CPNE8: variants seen among roughly 807,000 people sequenced by gnomAD.
CPNE8 encodes copine-8.
A neutral mutation model predicts 81.5 loss-of-function variants in CPNE8; 45 were observed. That is an observed-to-expected ratio of 0.55 (90% CI 0.44 to 0.71). The LOEUF is 0.71. Ranked by LOEUF, CPNE8 falls within the 30% of genes least tolerant of loss-of-function variation. CPNE8 has a pLI of 0.00. For synonymous variants in CPNE8, 252 were observed against 226.3 expected (o/e 1.11, Z -1.02); for missense variants, 594 against 672.1 (o/e 0.88, Z 1.28).
chr12:38,792,788 C>T (rs926849611), intron 6 of CPNE8, among the ~76,000 whole-genome samples: 6 of 151,650 alleles, frequency 4.0e-5, no homozygotes, highest in Admixed American at 1.3e-4. Context: ...AAGAAGAGAA[C>T]GTTATAGATC....
intron 6 of CPNE8, among the ~76,000 whole-genome samples, chr12:38,826,453 G>A (rs535546383): frequency 4.6e-5 from 7 of 152,270 alleles, no homozygotes; most frequent in African/African-American, 1.7e-4. Context: ...ATATGTGTAT[G>A]TTATACCCCG....
At chr12:38,713,724 T>G (rs2136716234) in intron 13 of CPNE8, among the ~76,000 whole-genome samples, 1 of 152,306 alleles carries the variant, frequency 6.6e-6, no homozygotes, top group Admixed American at 6.5e-5. Context: ...ATTTTAAAAT[T>G]ATGTCTCTTT....
At chr12:38,735,059 ATT>A (rs1940921741) in intron 10 of CPNE8, among the ~76,000 whole-genome samples, 1 of 152,072 alleles carries the variant, frequency 6.6e-6, no homozygotes, top group Non-Finnish European at 1.5e-5. Flanking sequence ...AACTTCTCTA[ATT>A]TGGATGCTGA....
In CPNE8 at chr12:38,693,824, G is replaced by C. The variant is rs1939733717; in HGVS notation, c.976C>G (p.Pro326Ala). Residue 326 changes from proline (P) to alanine (A), a missense_variant, in exon 15 of 20, where the codon CCC becomes GCC. Physicochemically the swap from Pro to Ala is conservative, Grantham distance 27. Coordinates refer to ENST00000331366, the MANE Select transcript of CPNE8 (RefSeq NM_153634.3). ...FTASNGNPAQ[P>A]TSLHYMNPYQ... ...GGATTCATGTAGTGGAGGGAAGTGG[G>C]CTGAGCAGGGTTGCCTGATGACAGA... The C allele has an allele frequency of 6.2e-7, 1 of 1,608,040 alleles. No individual in the cohort carries two copies. The highest frequency in any genetic ancestry group is 8.5e-7 in the Non-Finnish European group (1 of 1,177,438).
intron 15 of CPNE8, among the ~76,000 whole-genome samples, chr12:38,689,203 T>A (rs1049797103): frequency 1.3e-5 from 2 of 152,164 alleles, no homozygotes. Flanking sequence ...AAATAACACA[T>A]GTTAACTTGT....
intron 10 of CPNE8, among the ~76,000 whole-genome samples, chr12:38,760,451 A>ATATATG (rs749406707): frequency 2.5e-5 from 3 of 120,172 alleles, no homozygotes; most frequent in Admixed American, 8.2e-5. Flanking sequence ...ATATATATAT[A>ATATATG]TGTGTGTGTA....
intron 19 of CPNE8, among the ~76,000 whole-genome samples, chr12:38,664,385 A>G (rs992527251): frequency 3.3e-5 from 5 of 152,126 alleles, no homozygotes; most frequent in African/African-American, 1.2e-4. Context: ...CATCATTATC[A>G]TAATTACTAT....
At chr12:38,797,650 C>T (rs1942525977) in intron 6 of CPNE8, among the ~76,000 whole-genome samples, 1 of 152,158 alleles carries the variant, frequency 6.6e-6, no homozygotes, top group Admixed American at 6.5e-5. Flanking sequence ...GCCTCTCCTC[C>T]TCCAAAGGAA....
chr12:38,653,696 A>AC lies in CPNE8; in HGVS notation c.*185_*186insG. ...ATTTAAACAATTTTTTCTGTTGCTC[A>AC]TGCAACAACCATATTTACAGTTTTG... On this transcript the variant is annotated 3_prime_UTR_variant, in exon 20 of 20. Coordinates refer to ENST00000331366, the MANE Select transcript of CPNE8 (RefSeq NM_153634.3). The AC allele has an allele frequency of 1.4e-6, 1 of 691,100 alleles. No individual in the cohort carries two copies. The highest frequency in any genetic ancestry group is 2.0e-6 in the Non-Finnish European group (1 of 492,372). 42.8% of individuals were successfully genotyped at this position (691,100 alleles called of 1,614,324 possible). A position where few individuals can be genotyped will look rare whatever the true frequency, so the allele number is the denominator to read the frequency against.
At chr12:38,739,197 AAG>A (rs1385427028) in intron 10 of CPNE8, among the ~76,000 whole-genome samples, 23 of 152,300 alleles carry the variant, frequency 1.5e-4, no homozygotes, top group African/African-American at 5.5e-4. Context: ...ATGGTTTTTG[AAG>A]AGTGTTACTT....
intron 10 of CPNE8, among the ~76,000 whole-genome samples, chr12:38,749,272 G>A (rs118007331): frequency 0.024 from 3,582 of 151,332 alleles, 69 homozygotes; most frequent in Non-Finnish European, 0.038. Flanking sequence ...GTCTTCCCCC[G>A]CCACGTGGAA....
intron 1 of CPNE8, among the ~76,000 whole-genome samples, chr12:38,881,004 A>AT (rs1258529659): frequency 6.6e-6 from 1 of 152,012 alleles, no homozygotes; most frequent in Non-Finnish European, 1.5e-5. Flanking sequence ...AGGTCAGGAG[A>AT]TTGAGACCAT....
intron 1 of CPNE8, among the ~76,000 whole-genome samples, chr12:38,880,523 G>C (rs753861045): frequency 1.3e-5 from 2 of 152,160 alleles, no homozygotes; most frequent in African/African-American, 2.4e-5. Context: ...GAAAATCCCT[G>C]AGAGTGACAG....
In CPNE8 at chr12:38,808,360, T is replaced by A. The variant is rs145594509; in HGVS notation, c.407+21019A>T. 9.4e-3 allele frequency among the ~76,000 whole-genome samples: 1,423 copies of A among 152,004 alleles called. 19 individuals carry two copies. The highest frequency in any genetic ancestry group is 0.04 in the South Asian group (193 of 4,804). ...GCAAAGACTTGGAACAACCCAAATGTCCAACAACGATAGACTGGATTAAGA... is the reference window on the plus strand; with the variant it reads ...GCAAAGACTTGGAACAACCCAAATGACCAACAACGATAGACTGGATTAAGA... On this transcript the variant is annotated intron_variant, in intron 6 of 19. Transcript: ENST00000331366.
intron 1 of CPNE8, among the ~76,000 whole-genome samples, chr12:38,890,947 GAA>G (rs906024018): frequency 7.3e-5 from 11 of 150,706 alleles, no homozygotes; most frequent in African/African-American, 2.4e-4. Flanking sequence ...GAGAGAGAGA[GAA>G]AGAGTCTCAC....
chr12:38,667,557 A>C (rs1298690404), intron 19 of CPNE8, among the ~76,000 whole-genome samples: 2 of 152,198 alleles, frequency 1.3e-5, no homozygotes, highest in Admixed American at 1.3e-4. Flanking sequence ...TGAGTACATC[A>C]AATCTCTAAC....
chr12:38,834,945 G>A (rs1335952271), intron 5 of CPNE8, among the ~76,000 whole-genome samples: 3 of 150,782 alleles, frequency 2.0e-5, no homozygotes, highest in South Asian at 2.1e-4. Context: ...GCACAATCTC[G>A]GCTCACTGCA....
intron 5 of CPNE8, among the ~76,000 whole-genome samples, chr12:38,833,615 A>G (rs922845085): frequency 6.6e-6 from 1 of 150,720 alleles, no homozygotes; most frequent in Non-Finnish European, 1.5e-5. Context: ...AGTAGCTGGG[A>G]CTACAGGCAC....
chr12:38,858,592 G>A (rs1943782047), intron 3 of CPNE8, among the ~76,000 whole-genome samples: 1 of 152,170 alleles, frequency 6.6e-6, no homozygotes, highest in Non-Finnish European at 1.5e-5. Context: ...GTCATGGAAA[G>A]GGGCAATTAA....
Sources: gnomAD v4.1 joint callset for allele counts (sites outside exome capture counted in the v4.1 genomes callset) on GRCh38, gnomAD v4.1.1 for gene constraint, MANE v1.5 for transcripts, NCBI Gene and HGNC (gene_info 2026-07-23, HGNC 2026-07-21) for gene names.